The following CMSS1 variants were observed in gnomAD, a reference collection of about 807,000 sequenced individuals.
CMSS1 encodes protein CMSS1.
In CMSS1, 33 loss-of-function variants were observed where a neutral mutation model predicts 43.5. That is an observed-to-expected ratio of 0.76 (90% CI 0.57 to 1.01). The LOEUF (loss-of-function observed/expected upper bound fraction) is 1.01. CMSS1 is among the 50% of genes least tolerant of loss of function. The pLI is 0.00. For missense variants in CMSS1, 313 were observed against 326.4 expected (o/e 0.96, Z 0.32); for synonymous variants, 115 against 117.2 (o/e 0.98, Z 0.12).
At chr3:99,911,038 G>A (rs972926526) in intron 1 of CMSS1, among the ~76,000 whole-genome samples, 33 of 152,160 alleles carry the variant, frequency 2.2e-4, no homozygotes, top group Non-Finnish European at 3.7e-4. Context: ...TCTCATTGCC[G>A]TTTGTTCATT....
chr3:99,901,980 G>A (rs184570726), intron 1 of CMSS1, among the ~76,000 whole-genome samples: 117 of 152,176 alleles, frequency 7.7e-4, no homozygotes, highest in African/African-American at 2.7e-3. Flanking sequence ...ACAAAACACA[G>A]AGTGTTTTTT....
rs1707905477 is a variant in CMSS1, at chr3:99,943,288, A to G, written c.64+125245A>G. On this transcript the variant is annotated intron_variant, in intron 1 of 9. Transcript: ENST00000421999. ...TCAAAGGAGGTTTGAAGACATTTCC[A>G]AAATGTGTCAGCCCTGACACTTTTT... Among the ~76,000 whole-genome samples the G allele has an allele frequency of 2.0e-5, 3 of 152,236 alleles. No homozygotes were observed. In the South Asian group the frequency reaches 6.2e-4, roughly 32 times the overall value.
chr3:100,149,967 A>G (rs1391260938), intron 2 of CMSS1, among the ~76,000 whole-genome samples: 5 of 151,552 alleles, frequency 3.3e-5, no homozygotes, highest in Non-Finnish European at 7.4e-5. Flanking sequence ...TCCCAACACA[A>G]TTCCCTCCTT....
chr3:100,016,988 T>C (rs888432892), intron 1 of CMSS1, among the ~76,000 whole-genome samples: 3 of 152,214 alleles, frequency 2.0e-5, no homozygotes, highest in Non-Finnish European at 4.4e-5. Context: ...TTTAATTTTG[T>C]TGAACAGTAA....
intron 1 of CMSS1, chr3:99,830,285 T>G (rs1942627576): frequency 2.9e-6 from 1 of 344,284 alleles, no homozygotes; most frequent in Admixed American, 3.8e-5. Context: ...TGGGGGATGA[T>G]CTTCATCAGG....
chr3:100,007,591 C>G (rs1227094748), intron 1 of CMSS1, among the ~76,000 whole-genome samples: 4 of 152,152 alleles, frequency 2.6e-5, no homozygotes, highest in African/African-American at 9.7e-5. Context: ...GTGACTGAGG[C>G]ACAGAGAGGC....
At chr3:99,929,321 A>G (rs1294471261) in intron 1 of CMSS1, among the ~76,000 whole-genome samples, 1 of 152,240 alleles carries the variant, frequency 6.6e-6, no homozygotes, top group Non-Finnish European at 1.5e-5. Context: ...TTAAACTTTG[A>G]AGGAAAAAGA....
intron 1 of CMSS1, among the ~76,000 whole-genome samples, chr3:100,077,202 C>G (rs1454223128): frequency 1.3e-5 from 2 of 152,168 alleles, no homozygotes; most frequent in Non-Finnish European, 2.9e-5. Flanking sequence ...ACATGTTGCT[C>G]GTAGGTTCCA....
At chr3:99,987,740 A>G (rs1294521756) in intron 1 of CMSS1, among the ~76,000 whole-genome samples, 1 of 152,216 alleles carries the variant, frequency 6.6e-6, no homozygotes, top group Non-Finnish European at 1.5e-5. Flanking sequence ...AGGTGCATGT[A>G]ATGAAACTTT....
intron 9 of CMSS1, 38 bp from the exon 10 acceptor site, chr3:100,178,267 G>A (rs2067164143): frequency 1.5e-6 from 2 of 1,372,852 alleles, no homozygotes; most frequent in African/African-American, 1.4e-5. Flanking sequence ...ATTTTGGCTT[G>A]ATCTTAATCT....
At chr3:100,036,232 C>T (rs1436688809) in intron 1 of CMSS1, among the ~76,000 whole-genome samples, 1 of 152,170 alleles carries the variant, frequency 6.6e-6, no homozygotes, top group East Asian at 1.9e-4. Flanking sequence ...ACATGCAACA[C>T]ATAAAGCTTC....
chr3:100,055,807 G>A (rs1333249595), intron 1 of CMSS1, among the ~76,000 whole-genome samples: 1 of 152,040 alleles, frequency 6.6e-6, no homozygotes, highest in Non-Finnish European at 1.5e-5. Flanking sequence ...TTTTAATATT[G>A]TACACATTCT....
intron 1 of CMSS1, among the ~76,000 whole-genome samples, chr3:100,122,957 CAGTT>C (rs1163666109): frequency 3.9e-5 from 6 of 152,146 alleles, no homozygotes; most frequent in Non-Finnish European, 7.4e-5. Context: ...ATCTATTCAA[CAGTT>C]ATTTATTACA....
intron 1 of CMSS1, among the ~76,000 whole-genome samples, chr3:100,058,173 C>T (rs1207218655): frequency 2.0e-5 from 3 of 152,240 alleles, no homozygotes; most frequent in Non-Finnish European, 4.4e-5. Context: ...AGACTCCTAT[C>T]TGTCTGACTC....
At chr3:100,054,514 TATG>T (rs1485334041) in intron 1 of CMSS1, among the ~76,000 whole-genome samples, 1 of 151,924 alleles carries the variant, frequency 6.6e-6, no homozygotes, top group Non-Finnish European at 1.5e-5. Flanking sequence ...TATGTTATGT[TATG>T]TTATGTTATG....
At chr3:99,947,048 G>T (rs1708030191) in intron 1 of CMSS1, among the ~76,000 whole-genome samples, 1 of 143,768 alleles carries the variant, frequency 7.0e-6, no homozygotes, top group African/African-American at 2.6e-5. Context: ...GAGGCAGGGA[G>T]AATCACTTGC....
At chr3:99,933,453 ATATC>A (rs1707555164) in intron 1 of CMSS1, among the ~76,000 whole-genome samples, 1 of 152,202 alleles carries the variant, frequency 6.6e-6, no homozygotes, top group African/African-American at 2.4e-5. Context: ...CATTGTGTGT[ATATC>A]TATTTATTTA....
At chr3:100,114,494 CTGTG>C (rs374700618) in intron 1 of CMSS1, 7 of 153,738 alleles carry the variant, frequency 4.6e-5, no homozygotes, top group Non-Finnish European at 8.6e-5. Flanking sequence ...GTGAGCACGT[CTGTG>C]TGTGTGTGTG....
At chr3:99,853,153 C>T (rs1459545071) in intron 1 of CMSS1, among the ~76,000 whole-genome samples, 1 of 152,174 alleles carries the variant, frequency 6.6e-6, no homozygotes, top group Non-Finnish European at 1.5e-5. Flanking sequence ...CTTCTCAACC[C>T]AGTGGCAGAG....
Sources: gnomAD v4.1 joint callset for allele counts (sites outside exome capture counted in the v4.1 genomes callset) on GRCh38, gnomAD v4.1.1 for gene constraint, MANE v1.5 for transcripts, NCBI Gene and HGNC (gene_info 2026-07-23, HGNC 2026-07-21) for gene names.